Variants in SNTG2 observed in about 807,000 individuals in gnomAD.
The protein encoded by SNTG2 is syntrophin gamma 2.
Under a neutral mutation model 70.9 loss-of-function variants are expected in SNTG2, and 74 were observed. The observed-to-expected ratio is 1.04, with a 90% CI of 0.86 to 1.27. SNTG2 has a LOEUF of 1.27. Ranked by LOEUF, SNTG2 falls within the 50% of genes most tolerant of loss-of-function variation. The pLI is 0.00. For missense variants in SNTG2, 717 were observed against 690.7 expected (o/e 1.04, Z -0.43); for synonymous variants, 278 against 273.8 (o/e 1.02, Z -0.15).
At chr2:967,034 A>C (rs1278910324) in intron 1 of SNTG2, among the ~76,000 whole-genome samples, 2 of 152,236 alleles carry the variant, frequency 1.3e-5, no homozygotes, top group Non-Finnish European at 2.9e-5. Context: ...GAGAAACTTT[A>C]AAAGTCCAAA....
intron 4 of SNTG2, among the ~76,000 whole-genome samples, chr2:1,136,452 A>G (rs1393234931): frequency 6.6e-6 from 1 of 151,922 alleles, no homozygotes; most frequent in East Asian, 1.9e-4. Flanking sequence ...TTTCGGTGCA[A>G]ATGAGAACTT....
intron 1 of SNTG2, among the ~76,000 whole-genome samples, chr2:1,047,991 G>A (rs1043831842): frequency 6.6e-6 from 1 of 150,688 alleles, no homozygotes; most frequent in Non-Finnish European, 1.5e-5. Context: ...TTCCTACTTT[G>A]CAAGGAAATT....
At chr2:973,021 C>T (rs533727506) in intron 1 of SNTG2, among the ~76,000 whole-genome samples, 9 of 151,800 alleles carry the variant, frequency 5.9e-5, no homozygotes, top group South Asian at 2.1e-4. Context: ...TCTTACCTCT[C>T]ATATTTTGCT....
intron 1 of SNTG2, among the ~76,000 whole-genome samples, chr2:967,913 C>T (rs1369336375): frequency 1.3e-5 from 2 of 152,046 alleles, no homozygotes; most frequent in African/African-American, 4.8e-5. Flanking sequence ...CCTGTAATCG[C>T]AGTTACTCAG....
chr2:1,348,817 T>C (rs1177471136), intron 16 of SNTG2, among the ~76,000 whole-genome samples: 2 of 152,244 alleles, frequency 1.3e-5, no homozygotes, highest in African/African-American at 2.4e-5. Flanking sequence ...AACAAATTGT[T>C]GTACAGTTGA....
chr2:997,503 C>A (rs1661727934), intron 1 of SNTG2, among the ~76,000 whole-genome samples: 1 of 152,226 alleles, frequency 6.6e-6, no homozygotes, highest in African/African-American at 2.4e-5. Flanking sequence ...GTAGCATGAT[C>A]TGATCTTCAT....
intron 4 of SNTG2, among the ~76,000 whole-genome samples, chr2:1,124,312 TCAGACAG>T (rs1667567378): frequency 6.6e-6 from 1 of 151,470 alleles, no homozygotes; most frequent in Non-Finnish European, 1.5e-5. Flanking sequence ...TTAATTTTTC[TCAGACAG>T]AGGCTTGCTT....
chr2:1,017,385 A>G (rs973155055), intron 1 of SNTG2, among the ~76,000 whole-genome samples: 4 of 151,442 alleles, frequency 2.6e-5, no homozygotes, highest in African/African-American at 9.8e-5. Context: ...ACGTATACAC[A>G]CATACACATG....
intron 1 of SNTG2, among the ~76,000 whole-genome samples, chr2:1,001,834 T>TGGA (rs1258525094): frequency 1.3e-5 from 2 of 152,106 alleles, no homozygotes; most frequent in East Asian, 3.8e-4. Context: ...AGAACAAAGC[T>TGGA]GGAGGTATCA....
At chr2:1,144,725 C>T (rs548829842) in intron 6 of SNTG2, among the ~76,000 whole-genome samples, 7 of 152,194 alleles carry the variant, frequency 4.6e-5, no homozygotes, top group Admixed American at 6.5e-5. Flanking sequence ...GACTTATTCA[C>T]TACCACAAGA....
intron 8 of SNTG2, among the ~76,000 whole-genome samples, chr2:1,185,745 A>G (rs939454937): frequency 3.9e-5 from 6 of 152,200 alleles, no homozygotes; most frequent in Admixed American, 6.5e-5. Flanking sequence ...CCAGGAAATC[A>G]TTCTTCCCTC....
intron 6 of SNTG2, among the ~76,000 whole-genome samples, chr2:1,146,591 G>A (rs901451085): frequency 3.9e-5 from 6 of 152,170 alleles, no homozygotes; most frequent in African/African-American, 1.4e-4. Flanking sequence ...AATAGCCAAT[G>A]CAGTATTGAA....
chr2:1,061,625 G>C (rs549334393), intron 1 of SNTG2, among the ~76,000 whole-genome samples: 1 of 152,192 alleles, frequency 6.6e-6, no homozygotes, highest in Non-Finnish European at 1.5e-5. Flanking sequence ...GCAGGCTCAA[G>C]AAATCATAAA....
intron 14 of SNTG2, among the ~76,000 whole-genome samples, chr2:1,291,172 G>A (rs1397073480): frequency 2.6e-5 from 4 of 152,046 alleles, no homozygotes; most frequent in Non-Finnish European, 5.9e-5. Context: ...TGTCTATTCA[G>A]GTCTTTTGCC....
intron 9 of SNTG2, among the ~76,000 whole-genome samples, chr2:1,237,187 C>T (rs1676717948): frequency 6.6e-6 from 1 of 152,152 alleles, no homozygotes. Context: ...AAGTGATCCA[C>T]CTACCTCAGT....
At chr2:1,162,070 T>C (rs1168209866) in intron 6 of SNTG2, among the ~76,000 whole-genome samples, 4 of 6,608 alleles carry the variant, frequency 6.1e-4, no homozygotes, top group South Asian at 8.5e-3. Context: ...AGACTCCGTC[T>C]CAAAAAAAAA....
intron 6 of SNTG2, among the ~76,000 whole-genome samples, chr2:1,162,247 A>G (rs1006926387): frequency 6.6e-6 from 1 of 152,150 alleles, no homozygotes; most frequent in African/African-American, 2.4e-5. Flanking sequence ...AACTGGGGAA[A>G]GTCACTGAAT....
At chr2:1,176,342 T>C (rs1414976662) in intron 8 of SNTG2, among the ~76,000 whole-genome samples, 1 of 140,568 alleles carries the variant, frequency 7.1e-6, no homozygotes, top group Non-Finnish European at 1.6e-5. Flanking sequence ...AAAAAATAAC[T>C]ATTGAGTATT....
At chr2:1,303,011 A>G (rs1419981160) in intron 14 of SNTG2, among the ~76,000 whole-genome samples, 4 of 152,202 alleles carry the variant, frequency 2.6e-5, no homozygotes, top group Non-Finnish European at 5.9e-5. Context: ...GAGAACTGAA[A>G]CAAAAACAAA....
Sources: gnomAD v4.1 joint callset for allele counts (sites outside exome capture counted in the v4.1 genomes callset) on GRCh38, gnomAD v4.1.1 for gene constraint, MANE v1.5 for transcripts, NCBI Gene and HGNC (gene_info 2026-07-23, HGNC 2026-07-21) for gene names.